Variants in MTMR10 observed in about 807,000 individuals in gnomAD.
MTMR10 encodes the protein myotubularin related protein 10, also known as myotubularin-related protein 10.
In MTMR10, 56 loss-of-function variants were observed where a neutral mutation model predicts 88.1. The ratio of observed to expected loss-of-function variants is 0.64; its 90% CI spans 0.51 to 0.79. The LOEUF is 0.79. Among genes scored for constraint, MTMR10 ranks in the 30% least tolerant of loss-of-function variants. The pLI is 0.00. For missense variants in MTMR10, 883 were observed against 924.7 expected (o/e 0.95, Z 0.58); for synonymous variants, 380 against 340.9 (o/e 1.11, Z -1.26).
chr15:30,973,509 T>C (rs2029883943), intron 5 of MTMR10, among the ~76,000 whole-genome samples: 2 of 152,154 alleles, frequency 1.3e-5, no homozygotes, highest in East Asian at 1.9e-4. Flanking sequence ...TGACTAACCA[T>C]GGAAAACAAA....
Position 30,941,555 on chromosome 15 carries a change from C to T in MTMR10, c.2249G>A (p.Arg750Gln), listed in dbSNP as rs369093922. Residue 750 changes from arginine (R) to glutamine (Q), a missense_variant, in exon 16 of 16, where the codon CGA becomes CAA. This residue lies in a region of MTMR10 where 343 missense variants were observed against 323.2 expected (regional missense o/e 1.06). Coordinates refer to ENST00000435680, the MANE Select transcript of MTMR10 (RefSeq NM_017762.3). ...GCTTAATGGTGTTCCTAAAATGCTT[C>T]GTCTGCACAGATTCCCTACAGGAGA... ...PFSPVGNLCRRSILGTPLSKF... is the reference protein window; with the variant it reads ...PFSPVGNLCRQSILGTPLSKF... 32 of 1,603,526 alleles carry T rather than the reference C, an allele frequency of 2.0e-5. No individual in the cohort carries two copies. The highest frequency in any genetic ancestry group is 1.6e-4 in the Middle Eastern group (1 of 6,074).
chr15:30,962,293 T>TA (rs2063412375), intron 6 of MTMR10, among the ~76,000 whole-genome samples: 1 of 152,186 alleles, frequency 6.6e-6, no homozygotes, highest in Non-Finnish European at 1.5e-5. Flanking sequence ...ACCTTGGCAA[T>TA]ATCTGGTGAC....
At chr15:30,934,922 T>C (rs2062811093), downstream of MTMR10, among the ~76,000 whole-genome samples, 1 of 152,254 alleles carries the variant, frequency 6.6e-6, no homozygotes, top group Non-Finnish European at 1.5e-5. Context: ...TTTTGCTTTC[T>C]ACAGTTGATT....
rs954060757 is a variant in MTMR10 at position 30,991,176 on chromosome 15, C to T, written c.60+271G>A. 5.2e-5 allele frequency: 25 copies of T among 477,288 alleles called. No homozygotes were observed. The Admixed American group carries it at 5.6e-4, about 11-fold the overall frequency. The allele number at this position is 477,288 out of a possible 1,614,324, so 29.6% of individuals were successfully genotyped here. On this transcript the variant is annotated intron_variant, in intron 1 of 15. Coordinates refer to ENST00000435680, the MANE Select transcript of MTMR10 (RefSeq NM_017762.3). ...GGAAACTAAAGAAAACCCCAGCTCC[C>T]AAGGCTCCCCTGGGCCTCAACACTC...
the MTMR10 span, among the ~76,000 whole-genome samples, chr15:30,924,624 T>A: frequency 6.6e-6 from 1 of 152,218 alleles, no homozygotes; most frequent in Non-Finnish European, 1.5e-5. Context: ...AACCTTTGGC[T>A]CCTGTCCCTG....
intron 11 of MTMR10, among the ~76,000 whole-genome samples, chr15:30,952,531 G>T (rs1005643097): frequency 6.6e-6 from 1 of 150,932 alleles, no homozygotes; most frequent in Non-Finnish European, 1.5e-5. Flanking sequence ...TGCCTGCCTA[G>T]TTTTAAAATT....
Position 30,960,994 on chromosome 15 carries a change from G to C in MTMR10, c.645C>G (p.Ser215Arg), listed in dbSNP as rs2063394167. The C allele has an allele frequency of 6.3e-7, 1 of 1,587,606 alleles. No homozygotes were observed. The highest frequency in any genetic ancestry group is 8.6e-7 in the Non-Finnish European group (1 of 1,165,714). ...GGGNGAGGGS[S>R]QKTPLFETYS... ...AAGTTTCAAAGAGTGGAGTTTTCTG[G>C]CTGCTGCCACCACCAGCTCCATTAC... The change falls in exon 7 of 16, where the codon AGC (serine) becomes AGG (arginine). Residue 215 changes from serine (S) to arginine (R), a missense_variant. Physicochemically the swap from Ser to Arg is moderately radical, Grantham distance 110. Around this residue, in one of 3 missense-constraint regions of MTMR10, gnomAD observed 414 missense variants for 423.2 expected, o/e 0.98. Transcript: ENST00000435680.
At chr15:30,951,655 ACTC>A (rs1284759582) in intron 12 of MTMR10, among the ~76,000 whole-genome samples, 1 of 151,680 alleles carries the variant, frequency 6.6e-6, no homozygotes, top group Non-Finnish European at 1.5e-5. Context: ...GCACACCACC[ACTC>A]CTGACTAATT....
At chr15:30,926,926 C>T in the MTMR10 span, 260 of 985,350 alleles carry the variant, frequency 2.6e-4, 5 homozygotes, top group South Asian at 9.3e-3. Context: ...TGTGTCAGAG[C>T]GATCTCAACC....
At position 30,941,620 on chromosome 15, in the gene MTMR10, G is replaced by A; in HGVS notation, c.2184C>T (p.Thr728=). ...AGGAGAGAAACTCCGGTGTCCCCGA[G>A]GTGTCGGTGTGGTGAGGGCCGCTGG... ...FNASGPHHTD[T]SGTPEFLSSS... is the part of the protein sequence containing the mutation. The change falls in exon 16 of 16, where the codon ACC becomes ACT. Residue 728 remains threonine (T), a synonymous_variant. Transcript: ENST00000435680. 1 of 1,604,716 alleles carries A rather than the reference G, an allele frequency of 6.2e-7. No individual in the cohort carries two copies. Among genetic ancestry groups the A allele is most frequent in the Non-Finnish European group, 8.5e-7 (1 of 1,175,412 alleles).
the MTMR10 span, chr15:30,928,560 T>C: frequency 2.5e-6 from 4 of 1,605,748 alleles, no homozygotes; most frequent in East Asian, 2.2e-5. Context: ...TAGGGATTCA[T>C]GGCGAAGGGT....
At chr15:30,989,940 G>A (rs1216226396) in intron 2 of MTMR10, among the ~76,000 whole-genome samples, 1 of 151,986 alleles carries the variant, frequency 6.6e-6, no homozygotes, top group Non-Finnish European at 1.5e-5. Context: ...CCTAATAATC[G>A]CATTAAACAA....
chr15:30,918,909 C>G, the MTMR10 span, among the ~76,000 whole-genome samples: 1 of 152,148 alleles, frequency 6.6e-6, no homozygotes, highest in Admixed American at 6.5e-5. Flanking sequence ...ACCGACCCCT[C>G]AGACAGTCAA....
chr15:30,934,952 A>C (rs1012549748), downstream of MTMR10, among the ~76,000 whole-genome samples: 7 of 152,168 alleles, frequency 4.6e-5, no homozygotes, highest in African/African-American at 1.7e-4. Flanking sequence ...GTATTTACTC[A>C]TGTACATAGC....
intron 2 of MTMR10, among the ~76,000 whole-genome samples, chr15:30,982,883 G>A (rs550138078): frequency 6.6e-6 from 1 of 152,130 alleles, no homozygotes; most frequent in Non-Finnish European, 1.5e-5. Context: ...GAAACACTGT[G>A]GGCCAGAAAA....
intron 5 of MTMR10, among the ~76,000 whole-genome samples, chr15:30,969,731 G>C (rs796973011): frequency 6.6e-6 from 1 of 152,102 alleles, no homozygotes; most frequent in Non-Finnish European, 1.5e-5. Context: ...CCTCATTCTT[G>C]ATTCTTCACA....
At chr15:30,951,633 G>A (rs941615201) in intron 12 of MTMR10, among the ~76,000 whole-genome samples, 9 of 152,114 alleles carry the variant, frequency 5.9e-5, no homozygotes, top group African/African-American at 2.2e-4. Context: ...CCGAGTAGCT[G>A]AGACTACAGG....
rs1179346805 is a variant in MTMR10, at chr15:30,958,855, T to C, written c.935+8A>G. ...TATCTAAAGTGACAATGACCATTTC[T>C]CAATTACCTCTGGTCAATCTTCCTC... On this transcript the variant is annotated splice_region_variant and intron_variant, in intron 9 of 15. Transcript: ENST00000435680. The C allele has an allele frequency of 3.1e-6, 5 of 1,613,076 alleles. No homozygotes were observed. In the African/African-American group the frequency reaches 5.3e-5, roughly 17 times the overall value.
intron 6 of MTMR10, among the ~76,000 whole-genome samples, chr15:30,961,441 A>G (rs939459933): frequency 6.6e-6 from 1 of 152,038 alleles, no homozygotes; most frequent in Admixed American, 6.6e-5. Flanking sequence ...GGGTTTCACC[A>G]TGTTGGCTAG....
Sources: gnomAD v4.1 joint callset for allele counts (sites outside exome capture counted in the v4.1 genomes callset) on GRCh38, gnomAD v4.1.1 for gene constraint, gnomAD v4.1.1 regional missense constraint, MANE v1.5 for transcripts, NCBI Gene and HGNC (gene_info 2026-07-23, HGNC 2026-07-21) for gene names.